IPO5: variants seen among roughly 807,000 people sequenced by gnomAD.
IPO5 encodes importin 5.
A neutral mutation model predicts 143.3 loss-of-function variants in IPO5; 18 were observed. The observed-to-expected ratio is 0.13, with a 90% CI of 0.09 to 0.19. IPO5 has a LOEUF of 0.19. Among genes scored for constraint, IPO5 ranks in the 10% least tolerant of loss-of-function variants. IPO5 has a pLI of 1.00. For missense variants in IPO5, 1,013 were observed against 1,336.9 expected (o/e 0.76, Z 3.78); for synonymous variants, 477 against 465.7 (o/e 1.02, Z -0.31).
At chr13:97,969,172 TA>T (rs1459147853) in intron 2 of IPO5, among the ~76,000 whole-genome samples, 59 of 85,858 alleles carry the variant, frequency 6.9e-4, no homozygotes, top group African/African-American at 1.0e-3. Context: ...TATATATATA[TA>T]TATTTTTTTT....
At chr13:97,987,563 A>G (rs930870971) in intron 6 of IPO5, among the ~76,000 whole-genome samples, 2 of 152,160 alleles carry the variant, frequency 1.3e-5, no homozygotes, top group African/African-American at 4.8e-5. Context: ...TCTGTTGCCC[A>G]GGCTTGAGTA....
intron 9 of IPO5, 141 bp from the exon 10 acceptor site, chr13:97,992,751 T>C (rs1353729742): frequency 2.4e-6 from 2 of 836,030 alleles, no homozygotes; most frequent in African/African-American, 1.7e-5. Context: ...GTAGAACATT[T>C]GCATAATATA....
intron 6 of IPO5, among the ~76,000 whole-genome samples, chr13:97,986,229 G>T (rs1029195259): frequency 8.5e-5 from 13 of 152,136 alleles, no homozygotes; most frequent in African/African-American, 3.1e-4. Flanking sequence ...CTAATTAATG[G>T]TATGACCTAC....
chr13:98,020,703 A>G (rs1183510606), intron 27 of IPO5, among the ~76,000 whole-genome samples: 1 of 152,256 alleles, frequency 6.6e-6, no homozygotes, highest in African/African-American at 2.4e-5. Flanking sequence ...GTAGCAAAAT[A>G]AAACTTGTGT....
At chr13:98,004,394 T>A (rs1257079045) in intron 16 of IPO5, among the ~76,000 whole-genome samples, 1 of 152,114 alleles carries the variant, frequency 6.6e-6, no homozygotes, top group Non-Finnish European at 1.5e-5. Context: ...AAGGAAACAT[T>A]CGTGTGCCCG....
At chr13:97,960,415 G>A (rs79755910) in intron 2 of IPO5, 2 of 152,124 alleles carry the variant, frequency 1.3e-5, no homozygotes, top group East Asian at 1.9e-4. Flanking sequence ...TAAAAATACT[G>A]TGAATGATAG....
intron 26 of IPO5, among the ~76,000 whole-genome samples, chr13:98,019,234 G>A (rs956124248): frequency 1.3e-5 from 2 of 152,078 alleles, no homozygotes; most frequent in African/African-American, 4.8e-5. Flanking sequence ...TTACAGGCGT[G>A]AGCCACCACA....
intron 2 of IPO5, among the ~76,000 whole-genome samples, chr13:97,969,188 T>A (rs1885618279): frequency 8.2e-6 from 1 of 122,454 alleles, no homozygotes. Flanking sequence ...TTTTTTTTTT[T>A]TTTTTTTTTT....
At position 98,008,095 on chromosome 13, in the gene IPO5, T is replaced by C. The variant is rs1311626106; in HGVS notation, c.1753T>C (p.Leu585=). The stretch of plus-strand genomic sequence containing the variant: ...TGCATCAGATGTGATGCAGCTTTTG[T>C]TAAAGACCCAGACAGACTTCAATGA... ...QDASDVMQLL[L]KTQTDFNDME... Residue 585 remains leucine (L), a synonymous_variant, in exon 18 of 29, where the codon TTA becomes CTA. Transcript: ENST00000651721. The C allele has an allele frequency of 2.5e-6, 4 of 1,612,470 alleles. No individual in the cohort carries two copies. In the Admixed American group the frequency reaches 5.0e-5, roughly 20 times the overall value.
Position 97,969,733 on chromosome 13 carries a change from A to G in IPO5, c.-102A>G. ...TTTCTGTCAAATCAGCAGAGGAAAG[A>G]AATTCCTAAGGGAACACTGCTCAGA... is the stretch of plus-strand genomic sequence containing the variant. On this transcript the variant is annotated 5_prime_UTR_variant, in exon 3 of 29. Transcript: ENST00000651721. 6.7e-7 allele frequency: 1 copy of G among 1,496,560 alleles called. No individual in the cohort carries two copies. The highest frequency in any genetic ancestry group is 9.3e-7 in the Non-Finnish European group (1 of 1,073,660). 92.7% of individuals were successfully genotyped at this position (1,496,560 alleles called of 1,614,324 possible).
intron 18 of IPO5, among the ~76,000 whole-genome samples, 175 bp from the exon 19 acceptor site, chr13:98,009,706 A>T (rs1415328481): frequency 6.6e-6 from 1 of 152,152 alleles, no homozygotes; most frequent in Admixed American, 6.5e-5. Flanking sequence ...GTTCACAGGG[A>T]TTTCATTATT....
At chr13:97,958,079 TTA>T (rs777538828) in intron 2 of IPO5, among the ~76,000 whole-genome samples, 17 of 152,176 alleles carry the variant, frequency 1.1e-4, no homozygotes, top group Non-Finnish European at 2.2e-4. Flanking sequence ...AAATATACTA[TTA>T]TATTTGGACT....
At chr13:98,010,386 C>T (rs1017371970) in intron 20 of IPO5, among the ~76,000 whole-genome samples, 162 bp downstream of exon 20, 1 of 151,944 alleles carries the variant, frequency 6.6e-6, no homozygotes, top group Non-Finnish European at 1.5e-5. Context: ...ATGGATAAAC[C>T]TTTCATTATC....
Position 98,008,055 on chromosome 13 carries a change from C to G in IPO5, c.1717-4C>G. 1.9e-6 allele frequency: 3 copies of G among 1,589,610 alleles called. No homozygotes were observed. The highest frequency in any genetic ancestry group is 1.7e-6 in the Non-Finnish European group (2 of 1,159,772). Reference sequence around the variant, plus strand: ...CAAGTGTGTCTCTACATATTTTCCTCTAGTTCATGCAGGATGCATCAGATG... The same window carrying G: ...CAAGTGTGTCTCTACATATTTTCCTGTAGTTCATGCAGGATGCATCAGATG... On this transcript the variant is annotated splice_region_variant and splice_polypyrimidine_tract_variant and intron_variant, in intron 17 of 28. Transcript: ENST00000651721.
intron 4 of IPO5, among the ~76,000 whole-genome samples, chr13:97,977,597 C>CT (rs952922970): frequency 2.6e-5 from 4 of 152,156 alleles, no homozygotes; most frequent in South Asian, 2.1e-4. Flanking sequence ...ACCGTAATCT[C>CT]TTTTTTTCAA....
intron 4 of IPO5, 76 bp from the exon 5 acceptor site, chr13:97,982,427 C>G: frequency 1.1e-6 from 1 of 935,726 alleles, no homozygotes; most frequent in Admixed American, 2.0e-5. Flanking sequence ...ATCCTTCCCA[C>G]TGTTTATTTC....
chr13:97,997,958 C>G (rs1239842044), intron 12 of IPO5, among the ~76,000 whole-genome samples: 2 of 152,152 alleles, frequency 1.3e-5, no homozygotes, highest in Non-Finnish European at 2.9e-5. Flanking sequence ...GACATGAAAA[C>G]AGCAAATAAA....
chr13:97,973,886 A>C (rs927728441), intron 3 of IPO5, among the ~76,000 whole-genome samples: 5 of 151,956 alleles, frequency 3.3e-5, no homozygotes, highest in Non-Finnish European at 5.9e-5. Flanking sequence ...CCTGGGTAAC[A>C]GGAAGACCCC....
At position 98,022,341 on chromosome 13, in the gene IPO5, C is replaced by T. The variant is rs925600076; in HGVS notation, c.*519C>T. 31 of 152,586 alleles carry T rather than the reference C, an allele frequency of 2.0e-4. No individual in the cohort carries two copies. Among genetic ancestry groups the T allele is most frequent in the African/African-American group, 6.5e-4 (27 of 41,432 alleles). 9.5% of individuals were successfully genotyped at this position (152,586 alleles called of 1,614,324 possible). Reference sequence around the variant, plus strand: ...AGCATGAAGATGGCATATTTGATGTCACTTTGGTTCTTTTTCCCAGAAGGC... The same window carrying T: ...AGCATGAAGATGGCATATTTGATGTTACTTTGGTTCTTTTTCCCAGAAGGC... On this transcript the variant is annotated 3_prime_UTR_variant, in exon 29 of 29. Coordinates refer to ENST00000651721, the MANE Select transcript of IPO5 (RefSeq NM_002271.6).
Sources: gnomAD v4.1 joint callset for allele counts (sites outside exome capture counted in the v4.1 genomes callset) on GRCh38, gnomAD v4.1.1 for gene constraint, MANE v1.5 for transcripts, NCBI Gene and HGNC (gene_info 2026-07-23, HGNC 2026-07-21) for gene names.